The following DNAJC15 variants were observed in gnomAD, a reference collection of about 807,000 sequenced individuals.
DNAJC15 encodes the protein DnaJ heat shock protein family (Hsp40) member C15.
A neutral mutation model predicts 22.4 loss-of-function variants in DNAJC15; 27 were observed. The ratio of observed to expected loss-of-function variants is 1.20; its 90% CI spans 0.89 to 1.66. The LOEUF (loss-of-function observed/expected upper bound fraction) is 1.66, where lower values mean the gene tolerates loss of function less well. DNAJC15 is among the 40% of genes most tolerant of loss of function. The pLI is 0.00. For synonymous variants in DNAJC15, 79 were observed against 63.2 expected (o/e 1.25, Z -1.19); for missense variants, 208 against 187.1 (o/e 1.11, Z -0.65).
intron 1 of DNAJC15, among the ~76,000 whole-genome samples, chr13:43,051,417 G>A (rs577944302): frequency 6.6e-6 from 1 of 152,082 alleles, no homozygotes; most frequent in East Asian, 1.9e-4. Context: ...TTTATCCCTC[G>A]CTCCCACCCA....
At chr13:43,052,184 C>G (rs369253283) in intron 1 of DNAJC15, among the ~76,000 whole-genome samples, 8 of 151,906 alleles carry the variant, frequency 5.3e-5, no homozygotes, top group Non-Finnish European at 1.0e-4. Context: ...AGGATGGTCT[C>G]GATCTCCTGA....
chr13:43,085,912 T>C lies in DNAJC15; in HGVS notation c.382+74T>C. ...GAATTCCTTTCAGATTAAAGTCATA[T>C]ATGATATATAGTTGAGATGGAAGTT... On this transcript the variant is annotated intron_variant, in intron 5 of 5. Transcript: ENST00000379221. 2.5e-6 allele frequency: 3 copies of C among 1,178,840 alleles called. No individual in the cohort carries two copies. In the East Asian group the frequency reaches 7.4e-5, roughly 29 times the overall value. The allele number at this position is 1,178,840 out of a possible 1,614,324, so 73.0% of individuals were successfully genotyped here. A position where few individuals can be genotyped will look rare whatever the true frequency, so the allele number is the denominator to read the frequency against.
At chr13:43,029,094 T>A (rs1593307317) in intron 1 of DNAJC15, among the ~76,000 whole-genome samples, 1 of 152,356 alleles carries the variant, frequency 6.6e-6, no homozygotes, top group Non-Finnish European at 1.5e-5. Flanking sequence ...GATTTTAATA[T>A]CATTGACACC....
chr13:43,081,647 C>A (rs959019593), intron 4 of DNAJC15, among the ~76,000 whole-genome samples: 1 of 151,838 alleles, frequency 6.6e-6, no homozygotes, highest in Non-Finnish European at 1.5e-5. Flanking sequence ...ACCGTGTTAG[C>A]AGGATGGTCT....
chr13:43,058,024 C>A (rs1402130331), intron 1 of DNAJC15, among the ~76,000 whole-genome samples: 1 of 151,746 alleles, frequency 6.6e-6, no homozygotes, highest in Non-Finnish European at 1.5e-5. Flanking sequence ...GTGAAGTGGA[C>A]TCTTTGTAGT....
chr13:43,037,144 C>T (rs985687700), intron 1 of DNAJC15, among the ~76,000 whole-genome samples: 2 of 152,188 alleles, frequency 1.3e-5, no homozygotes, highest in East Asian at 1.9e-4. Context: ...TTGTGGGGGC[C>T]GCTCCAGACG....
intron 5 of DNAJC15, among the ~76,000 whole-genome samples, chr13:43,087,033 A>G (rs1281564494): frequency 3.3e-5 from 5 of 152,178 alleles, no homozygotes; most frequent in African/African-American, 1.2e-4. Context: ...TATGAGTTTT[A>G]TTATTTGCAA....
At chr13:43,024,404 C>T (rs1213130029) in intron 1 of DNAJC15, among the ~76,000 whole-genome samples, 3 of 126,170 alleles carry the variant, frequency 2.4e-5, no homozygotes, top group East Asian at 2.4e-4. Flanking sequence ...AGTGCAGTGG[C>T]GCGATCTCGG....
At chr13:43,068,881 G>C in intron 2 of DNAJC15, 49 bp from the exon 3 acceptor site, 1 of 1,520,858 alleles carries the variant, frequency 6.6e-7, no homozygotes, top group Non-Finnish European at 9.0e-7. Flanking sequence ...GGTGTTGATT[G>C]ATTTTGATTA....
chr13:43,049,902 T>TTTTG lies in DNAJC15; in HGVS notation c.109-15768_109-15765dup, dbSNP rs748707865. Reference sequence around the variant, plus strand: ...TCATATTATTCTGGGCCAGTTAAAGTTTTGTTTGTTTGTTTGTTTTATTTT... The same window carrying TTTTG: ...TCATATTATTCTGGGCCAGTTAAAGTTTTGTTTGTTTGTTTGTTTGTTTTATTTT... On this transcript the variant is annotated intron_variant, in intron 1 of 5. Coordinates refer to ENST00000379221, the MANE Select transcript of DNAJC15 (RefSeq NM_013238.3). Among the ~76,000 whole-genome samples the TTTTG allele has an allele frequency of 5.3e-5, 8 of 152,162 alleles. No individual in the cohort carries two copies. In the East Asian group the frequency reaches 9.6e-4, roughly 18 times the overall value.
At chr13:43,056,539 A>G (rs2040532337) in intron 1 of DNAJC15, among the ~76,000 whole-genome samples, 1 of 152,112 alleles carries the variant, frequency 6.6e-6, no homozygotes, top group Non-Finnish European at 1.5e-5. Flanking sequence ...TGTTAATTCC[A>G]TTTGTTCTAG....
intron 1 of DNAJC15, among the ~76,000 whole-genome samples, chr13:43,038,152 G>A (rs1037416773): frequency 1.4e-4 from 21 of 151,780 alleles, no homozygotes; most frequent in African/African-American, 4.1e-4. Context: ...TATTTTCTTC[G>A]GATAAATTTT....
At chr13:43,105,661 C>A (rs1226170983) in intron 5 of DNAJC15, among the ~76,000 whole-genome samples, 1 of 152,066 alleles carries the variant, frequency 6.6e-6, no homozygotes, top group African/African-American at 2.4e-5. Context: ...CATAGTATGG[C>A]CTATGATTTA....
intron 4 of DNAJC15, among the ~76,000 whole-genome samples, chr13:43,079,770 A>T (rs2040653219): frequency 6.6e-6 from 1 of 152,172 alleles, no homozygotes. Context: ...TATGCAGGGC[A>T]CTTACGTTGT....
At chr13:43,024,312 T>C (rs1221610801) in intron 1 of DNAJC15, among the ~76,000 whole-genome samples, 1 of 150,844 alleles carries the variant, frequency 6.6e-6, no homozygotes, top group Non-Finnish European at 1.5e-5. Flanking sequence ...CAGAAGCATA[T>C]TGTGAGCCAC....
intron 1 of DNAJC15, among the ~76,000 whole-genome samples, chr13:43,038,801 GAAA>G (rs562632739): frequency 1.2e-3 from 124 of 107,286 alleles, no homozygotes; most frequent in African/African-American, 2.5e-3. Flanking sequence ...CAAAAAATAG[GAAA>G]AAAAAAAAAA....
In DNAJC15 at chr13:43,113,899, C is replaced by G. The variant is rs943180128; in HGVS notation, c.*6651C>G. 3.3e-5 allele frequency: 5 copies of G among 152,208 alleles called. No individual in the cohort carries two copies. Among genetic ancestry groups the G allele is most frequent in the Admixed American group, 6.5e-5 (1 of 15,274 alleles). 9.4% of individuals were successfully genotyped at this position (152,208 alleles called of 1,614,324 possible). A position where few individuals can be genotyped will look rare whatever the true frequency, so the allele number is the denominator to read the frequency against. ...GGTACACACAGAAATGCAGCCTTTC[C>G]TGGTTAACCCTGCTTGGATCTGAGT... On this transcript the variant is annotated 3_prime_UTR_variant, in exon 6 of 6. Coordinates refer to ENST00000379221, the MANE Select transcript of DNAJC15 (RefSeq NM_013238.3).
In DNAJC15 at chr13:43,108,906, C is replaced by T. The variant is rs995398254; in HGVS notation, c.*1658C>T. ...AAAATATATTTCTTGCTTTAAAGTCCCCATACGTGTCCTACTAATTTTCTC... is the reference window on the plus strand; with the variant it reads ...AAAATATATTTCTTGCTTTAAAGTCTCCATACGTGTCCTACTAATTTTCTC... On this transcript the variant is annotated 3_prime_UTR_variant, in exon 6 of 6. Transcript: ENST00000379221. The T allele has an allele frequency of 2.6e-5, 4 of 152,036 alleles. No homozygotes were observed. The highest frequency in any genetic ancestry group is 1.5e-5 in the Non-Finnish European group (1 of 68,002). 9.4% of individuals were successfully genotyped at this position (152,036 alleles called of 1,614,324 possible).
intron 1 of DNAJC15, among the ~76,000 whole-genome samples, chr13:43,056,958 G>A (rs1167883004): frequency 6.6e-6 from 1 of 152,096 alleles, no homozygotes; most frequent in Non-Finnish European, 1.5e-5. Context: ...TTGATCGTAG[G>A]GTTTCTGCTG....
Sources: gnomAD v4.1 joint callset for allele counts (sites outside exome capture counted in the v4.1 genomes callset) on GRCh38, gnomAD v4.1.1 for gene constraint, MANE v1.5 for transcripts, NCBI Gene and HGNC (gene_info 2026-07-23, HGNC 2026-07-21) for gene names.